KIF26A: variants seen among roughly 807,000 people sequenced by gnomAD.
KIF26A encodes the protein kinesin family member 26A, also known as kinesin-like protein KIF26A.
Under a neutral mutation model 126.0 loss-of-function variants are expected in KIF26A, and 74 were observed. That is an observed-to-expected ratio of 0.59 (90% confidence interval 0.49 to 0.71). The LOEUF (loss-of-function observed/expected upper bound fraction) is 0.71, where lower values mean the gene tolerates loss of function less well. Among genes scored for constraint, KIF26A ranks in the 30% least tolerant of loss-of-function variants. KIF26A has a pLI of 0.00. For synonymous variants in KIF26A, 1,445 were observed against 1,232.7 expected (o/e 1.17, Z -3.61); for missense variants, 2,984 against 2,763.3 (o/e 1.08, Z -1.79).
intron 2 of KIF26A, among the ~76,000 whole-genome samples, chr14:104,142,444 C>T (rs1440283846): frequency 3.3e-5 from 5 of 152,032 alleles, no homozygotes; most frequent in Non-Finnish European, 7.4e-5. Flanking sequence ...GGCCTGGCCT[C>T]CTGTGGCCTC....
Position 104,175,378 on chromosome 14 carries a change from A to G in KIF26A, c.2590A>G (p.Thr864Ala), listed in dbSNP as rs1713349715. 6.3e-7 allele frequency: 1 copy of G among 1,599,142 alleles called. No individual in the cohort carries two copies. Among genetic ancestry groups the G allele is most frequent in the Non-Finnish European group, 8.5e-7 (1 of 1,177,472 alleles). ...GGGTCCCTCAGGAGGTCCAGGTGGC[A>G]CCGACGGAGCTCAGGCCAGCCCCGC... ...NEGPSGGPGG[T>A]DGAQASPARG... is the part of the protein sequence containing the mutation. Residue 864 changes from threonine (T) to alanine (A), a missense_variant, in exon 12 of 15, where the codon ACC becomes GCC. Coordinates refer to ENST00000423312, the MANE Select transcript of KIF26A (RefSeq NM_015656.2).
In KIF26A at chr14:104,176,558, C is replaced by T; in HGVS notation, c.3770C>T (p.Ala1257Val). 3 of 1,606,470 alleles carry T rather than the reference C, an allele frequency of 1.9e-6. No individual in the cohort carries two copies. The highest frequency in any genetic ancestry group is 1.7e-6 in the Non-Finnish European group (2 of 1,179,682). Reference sequence around the variant, plus strand: ...GAGTGTGATACCCAGGCAGCTTCTGCTGGCAGGGCCCCCAGCCCCACACTT... The same window carrying T: ...GAGTGTGATACCCAGGCAGCTTCTGTTGGCAGGGCCCCCAGCCCCACACTT... ...VGECDTQAAS[A>V]GRAPSPTLGS... The change falls in exon 12 of 15, where the codon GCT becomes GTT. Residue 1257 changes from alanine to valine, a missense_variant. By Grantham distance (64) the Ala-to-Val change is moderately conservative (BLOSUM62 0). Coordinates refer to ENST00000423312, the MANE Select transcript of KIF26A (RefSeq NM_015656.2).
At chr14:104,178,873 A>C (rs1000418480) in intron 13 of KIF26A, 118 bp downstream of exon 13, 3 of 637,596 alleles carry the variant, frequency 4.7e-6, no homozygotes, top group Non-Finnish European at 7.9e-6. Context: ...GCAGCCCCTG[A>C]CCTCACTTTC....
In KIF26A at chr14:104,176,070, G is replaced by T. The variant is rs763977596; in HGVS notation, c.3282G>T (p.Gly1094=). The T allele has an allele frequency of 1.4e-5, 23 of 1,595,938 alleles. No homozygotes were observed. Among genetic ancestry groups the T allele is most frequent in the Non-Finnish European group, 1.8e-5 (21 of 1,174,154 alleles). The stretch of plus-strand genomic sequence containing the variant: ...ACACCTCTCAGGCCCCTGAGGGGGG[G>T]CCCCTGGAGGGGGCAGCCTGGGCCG... ...DAYTSQAPEG[G]PLEGAAWAGS... Residue 1094 remains glycine (G), a synonymous_variant, in exon 12 of 15, where the codon GGG becomes GGT. Transcript: ENST00000423312.
chr14:104,160,617 G>GC lies in KIF26A; in HGVS notation c.923+2679dup, dbSNP rs537291133. Among the ~76,000 whole-genome samples the GC allele has an allele frequency of 5.2e-3, 787 of 152,252 alleles. 4 individuals are homozygous for GC. Among genetic ancestry groups the GC allele is most frequent in the Non-Finnish European group, 9.0e-3 (609 of 67,988 alleles). ...GAGGGTGGGGCGCGTGGGCCGGGTG[G>GC]CCCCGGGGTTAGGAGTTCTCCGAAG... On this transcript the variant is annotated intron_variant, in intron 4 of 14. Transcript: ENST00000423312.
intron 12 of KIF26A, 76 bp downstream of exon 12, chr14:104,177,974 A>C: frequency 4.4e-6 from 6 of 1,377,906 alleles, no homozygotes; most frequent in Non-Finnish European, 5.7e-6. Flanking sequence ...TCTACAGTTT[A>C]CAGGGCCAGG....
chr14:104,171,780 A>G lies in KIF26A; in HGVS notation c.1171A>G (p.Met391Val), dbSNP rs1244890198. 3.2e-6 allele frequency: 5 copies of G among 1,578,120 alleles called. No homozygotes were observed. Among genetic ancestry groups the G allele is most frequent in the Non-Finnish European group, 4.3e-6 (5 of 1,163,012 alleles). ...GGGGGCCCAGCGCTCGGCCGAGGCC[A>G]TGTCCTTCCTGAAGGTGGACCCTCG... ...AQGAQRSAEA[M>V]SFLKVDPRKK... is the part of the protein sequence containing the mutation. The change falls in exon 6 of 15, where the codon ATG becomes GTG. Residue 391 changes from methionine (M) to valine (V), a missense_variant. By Grantham distance (21) the Met-to-Val change is conservative. Coordinates refer to ENST00000423312, the MANE Select transcript of KIF26A (RefSeq NM_015656.2).
chr14:104,174,262 C>A lies in KIF26A; in HGVS notation c.2145C>A (p.Thr715=). 6.4e-7 allele frequency: 1 copy of A among 1,567,630 alleles called. No individual in the cohort carries two copies. Reference sequence around the variant, plus strand: ...CCCAGCACGCAGAGACACTCAGCACCGTGCAGCTCGCCGCCCGCATCCACC... The same window carrying A: ...CCCAGCACGCAGAGACACTCAGCACAGTGCAGCTCGCCGCCCGCATCCACC... The part of the protein sequence containing the change: ...APAQHAETLS[T]VQLAARIHRL... Residue 715 remains threonine, a synonymous_variant, in exon 11 of 15, where the codon ACC becomes ACA. Transcript: ENST00000423312.
Position 104,176,609 on chromosome 14 carries a change from A to T in KIF26A, c.3821A>T (p.Gln1274Leu). 1 of 1,608,994 alleles carries T rather than the reference A, an allele frequency of 6.2e-7. No homozygotes were observed. Among genetic ancestry groups the T allele is most frequent in the Non-Finnish European group, 8.5e-7 (1 of 1,179,436 alleles). ...GGCTCCCCCCGGCTGCCTGAGGCCC[A>T]GGTGATGCTAGCCTGTGCCCAGAGA... is the stretch of plus-strand genomic sequence containing the variant. ...TLGSPRLPEA[Q>L]VMLACAQRVV... The change falls in exon 12 of 15, where the codon CAG becomes CTG. Residue 1274 changes from glutamine to leucine, a missense_variant. By Grantham distance (113) the Gln-to-Leu change is moderately radical. Coordinates refer to ENST00000423312, the MANE Select transcript of KIF26A (RefSeq NM_015656.2).
chr14:104,169,075 C>T (rs1405367503), intron 5 of KIF26A, among the ~76,000 whole-genome samples: 1 of 152,222 alleles, frequency 6.6e-6, no homozygotes, highest in Non-Finnish European at 1.5e-5. Context: ...CTGGCTGGGG[C>T]ACCCTGGGTC....
intron 2 of KIF26A, among the ~76,000 whole-genome samples, chr14:104,145,851 TCCCTAGGGCC>T (rs2141090342): frequency 6.6e-6 from 1 of 152,066 alleles, no homozygotes; most frequent in Admixed American, 6.5e-5. Flanking sequence ...CCTGCTCTCG[TCCCTAGGGCC>T]CCCTCTCCCC....
intron 2 of KIF26A, among the ~76,000 whole-genome samples, chr14:104,146,769 C>T (rs1472420024): frequency 6.6e-6 from 1 of 152,144 alleles, no homozygotes; most frequent in African/African-American, 2.4e-5. Flanking sequence ...GTGAGGGTCT[C>T]CAAGGGGTGG....
chr14:104,178,088 C>T (rs1025459831), intron 12 of KIF26A, among the ~76,000 whole-genome samples, 190 bp downstream of exon 12: 4 of 152,236 alleles, frequency 2.6e-5, no homozygotes, highest in African/African-American at 9.6e-5. Context: ...GTGCACGGCC[C>T]TCTGCAGTTT....
Position 104,172,565 on chromosome 14 carries a change from G to GC in KIF26A, c.1327-4dup, listed in dbSNP as rs763575287. On this transcript the variant is annotated splice_polypyrimidine_tract_variant and intron_variant, in intron 6 of 14. Coordinates refer to ENST00000423312, the MANE Select transcript of KIF26A (RefSeq NM_015656.2). ...GGCCACAGCCCTGCCTGATTCTCTTGCCCCCCTAGGCCGAAGTCTGCTCGG... is the reference window on the plus strand; with the variant it reads ...GGCCACAGCCCTGCCTGATTCTCTTGCCCCCCCTAGGCCGAAGTCTGCTCGG... 6.2e-5 allele frequency: 99 copies of GC among 1,608,614 alleles called. No individual in the cohort carries two copies. The highest frequency in any genetic ancestry group is 7.1e-5 in the Non-Finnish European group (83 of 1,176,708).
rs1397695653 is a variant in KIF26A at position 104,165,699 on chromosome 14, C to G, written c.924-1160C>G. On this transcript the variant is annotated intron_variant, in intron 4 of 14. Coordinates refer to ENST00000423312, the MANE Select transcript of KIF26A (RefSeq NM_015656.2). The stretch of plus-strand genomic sequence containing the variant: ...TATGCATATGTGTGACTGTGTGTCT[C>G]TGTCTCTGTGCATATGTGTGTCTGT... 1.6e-3 allele frequency among the ~76,000 whole-genome samples: 226 copies of G among 138,606 alleles called. 12 individuals carry two copies. The highest frequency in any genetic ancestry group is 7.1e-3 in the African/African-American group (211 of 29,894). 90.9% of individuals were successfully genotyped at this position (138,606 alleles called of 152,430 possible). A position where few individuals can be genotyped will look rare whatever the true frequency, so the allele number is the denominator to read the frequency against.
chr14:104,175,175 G>A lies in KIF26A; in HGVS notation c.2387G>A (p.Gly796Asp), dbSNP rs1412758235. The change falls in exon 12 of 15, where the codon GGT (glycine) becomes GAT (aspartate). Residue 796 changes from glycine to aspartate, a missense_variant. Physicochemically the swap from Gly to Asp is moderately conservative, Grantham distance 94. Coordinates refer to ENST00000423312, the MANE Select transcript of KIF26A (RefSeq NM_015656.2). Reference sequence around the variant, plus strand: ...GACACGGTCATCTACGTGGGGCCCGGTGGGGCGGCGCTGTCAGACCGGGAG... The same window carrying A: ...GACACGGTCATCTACGTGGGGCCCGATGGGGCGGCGCTGTCAGACCGGGAG... ...SCDTVIYVGP[G>D]GAALSDRELT... 2 of 1,607,388 alleles carry A rather than the reference G, an allele frequency of 1.2e-6. No homozygotes were observed. Among genetic ancestry groups the A allele is most frequent in the Non-Finnish European group, 8.5e-7 (1 of 1,177,896 alleles).
At position 104,176,594 on chromosome 14, in the gene KIF26A, G is replaced by GGCT. The variant is rs760304210; in HGVS notation, c.3809_3811dup (p.Leu1270dup). The GGCT allele has an allele frequency of 6.2e-7, 1 of 1,608,628 alleles. No individual in the cohort carries two copies. Among genetic ancestry groups the GGCT allele is most frequent in the South Asian group, 1.1e-5 (1 of 91,038 alleles). ...CCCAGCCCCACACTTGGCTCCCCCC[G>GGCT]GCTGCCTGAGGCCCAGGTGATGCTA... On this transcript the variant is annotated inframe_insertion, in exon 12 of 15. Transcript: ENST00000423312.
intron 5 of KIF26A, among the ~76,000 whole-genome samples, chr14:104,168,218 G>A (rs2037924879): frequency 6.6e-6 from 1 of 152,220 alleles, no homozygotes; most frequent in South Asian, 2.1e-4. Context: ...TTTGGAACAT[G>A]CTGGCTACGG....
chr14:104,164,151 G>A (rs1159268877), intron 4 of KIF26A, among the ~76,000 whole-genome samples: 1 of 152,232 alleles, frequency 6.6e-6, no homozygotes, highest in Non-Finnish European at 1.5e-5. Context: ...AGCCGCCGCA[G>A]TGGGGGCAGC....
Sources: gnomAD v4.1 joint callset for allele counts (sites outside exome capture counted in the v4.1 genomes callset) on GRCh38, gnomAD v4.1.1 for gene constraint, MANE v1.5 for transcripts, NCBI Gene and HGNC (gene_info 2026-07-23, HGNC 2026-07-21) for gene names.